Variants in SH3BP4 observed in about 807,000 individuals in gnomAD.
SH3BP4 encodes SH3 domain-binding protein 4.
SH3BP4 carries 33 observed loss-of-function variants against 65.5 expected under a neutral mutation model. That is an observed-to-expected ratio of 0.50 (90% confidence interval 0.38 to 0.67). SH3BP4 has a LOEUF of 0.67. SH3BP4 is among the 30% of genes least tolerant of loss of function. SH3BP4 has a pLI of 0.00. For missense variants in SH3BP4, 1,134 were observed against 1,261.4 expected, an observed-to-expected ratio of 0.90 and a Z score of 1.53; for synonymous variants, 552 against 545.5, an observed-to-expected ratio of 1.01 and a Z score of -0.17.
chr2:235,042,105 G>A lies in SH3BP4; in HGVS notation c.1336G>A (p.Glu446Lys), dbSNP rs139088001. ...DTVQAQLHNL[E>K]PCMYVAVVAH... ...GGTCCAGGCACAGCTGCACAACCTGGAGCCCTGTATGTACGTGGCTGTCGT... is the reference window on the plus strand; with the variant it reads ...GGTCCAGGCACAGCTGCACAACCTGAAGCCCTGTATGTACGTGGCTGTCGT... Residue 446 changes from glutamate (E) to lysine (K), a missense_variant, in exon 4 of 6, where the codon GAG becomes AAG. Transcript: ENST00000392011. This position sits in a 1 kb window ranked among gnomAD's most constrained non-coding sequence, Gnocchi z 7.3. The A allele has an allele frequency of 3.8e-4, 612 of 1,613,964 alleles. No homozygotes were observed. Among genetic ancestry groups the A allele is most frequent in the Non-Finnish European group, 5.0e-4 (587 of 1,180,014 alleles).
chr2:235,034,693 G>A lies in SH3BP4; in HGVS notation c.-132-178G>A, dbSNP rs1695315805. On this transcript the variant is annotated intron_variant, in intron 2 of 5. Coordinates refer to ENST00000392011, the MANE Select transcript of SH3BP4 (RefSeq NM_014521.3). The surrounding 1 kb of genome is among the most constrained non-coding windows in gnomAD (Gnocchi z 6.2). ...AGTGTGCCAATGAGACAAGCACAAAGTGGGCACAGAGGCCAAGGAGCAAGC... is the reference window on the plus strand; with the variant it reads ...AGTGTGCCAATGAGACAAGCACAAAATGGGCACAGAGGCCAAGGAGCAAGC... Among the ~76,000 whole-genome samples the A allele has an allele frequency of 6.6e-6, 1 of 152,234 alleles. No homozygotes were observed. Among genetic ancestry groups the A allele is most frequent in the South Asian group, 2.1e-4 (1 of 4,832 alleles).
intron 4 of SH3BP4, among the ~76,000 whole-genome samples, chr2:235,044,211 G>T (rs1695769942): frequency 6.6e-6 from 1 of 152,214 alleles, no homozygotes. Context: ...TTGGGGCGAG[G>T]ACAGCATTTG....
chr2:234,998,615 T>C (rs1694001485), intron 2 of SH3BP4, among the ~76,000 whole-genome samples: 1 of 152,252 alleles, frequency 6.6e-6, no homozygotes, highest in Non-Finnish European at 1.5e-5. Flanking sequence ...CAGTGGGCAT[T>C]GAGTACATTC....
At chr2:235,048,512 T>G in intron 4 of SH3BP4, among the ~76,000 whole-genome samples, 1 of 151,684 alleles carries the variant, frequency 6.6e-6, no homozygotes, top group South Asian at 2.1e-4. Context: ...TTTTTTTTTT[T>G]GTCTGTAGTA....
chr2:235,006,579 G>T (rs2106289811), intron 2 of SH3BP4, among the ~76,000 whole-genome samples: 1 of 152,298 alleles, frequency 6.6e-6, no homozygotes, highest in East Asian at 1.9e-4. Context: ...TCAGGGGCCT[G>T]TGCTCTCAGG....
chr2:234,982,988 C>T (rs10803628), intron 1 of SH3BP4, among the ~76,000 whole-genome samples: 8 of 152,038 alleles, frequency 5.3e-5, no homozygotes, highest in East Asian at 3.9e-4. Flanking sequence ...GGTGGTGGAT[C>T]GGTGGACCTG....
intron 2 of SH3BP4, among the ~76,000 whole-genome samples, chr2:235,023,606 T>G (rs140759764): frequency 1.3e-4 from 20 of 152,284 alleles, no homozygotes; most frequent in Admixed American, 1.1e-3. Flanking sequence ...CGTTTTTGAT[T>G]GTAGAAAAAT....
chr2:234,980,244 T>A (rs1693332125), intron 1 of SH3BP4, among the ~76,000 whole-genome samples: 1 of 152,074 alleles, frequency 6.6e-6, no homozygotes, highest in African/African-American at 2.4e-5. Flanking sequence ...GTATGTACTA[T>A]TTATTTTTTC....
chr2:234,963,341 T>C (rs946030433), intron 1 of SH3BP4, among the ~76,000 whole-genome samples: 3 of 152,248 alleles, frequency 2.0e-5, no homozygotes, highest in Non-Finnish European at 4.4e-5. Context: ...CTTATAATTA[T>C]ATTAATTGTT....
chr2:235,029,178 G>T (rs575893332), intron 2 of SH3BP4, among the ~76,000 whole-genome samples: 1 of 152,228 alleles, frequency 6.6e-6, no homozygotes. Flanking sequence ...CAGAGGTTGT[G>T]TTCTGCAGGT....
intron 1 of SH3BP4, among the ~76,000 whole-genome samples, chr2:234,983,838 G>A (rs1693463973): frequency 6.6e-6 from 1 of 152,254 alleles, no homozygotes; most frequent in Non-Finnish European, 1.5e-5. Context: ...CAGGGCCACA[G>A]AAGCAGCTCA....
rs1035319311 is a variant in SH3BP4, at chr2:235,030,739, C to T, written c.-132-4132C>T. ...CAGGGCAGCCCTGGGATGCTGGCTG[C>T]ATTCTCCATCCCGTGCCAGCCCCCT... On this transcript the variant is annotated intron_variant, in intron 2 of 5. Transcript: ENST00000392011. The surrounding 1 kb of genome is among the most constrained non-coding windows in gnomAD (Gnocchi z 4.1). Among the ~76,000 whole-genome samples the T allele has an allele frequency of 6.6e-6, 1 of 152,136 alleles. No individual in the cohort carries two copies. Among genetic ancestry groups the T allele is most frequent in the African/African-American group, 2.4e-5 (1 of 41,416 alleles).
At chr2:235,043,312 A>C in intron 4 of SH3BP4, 65 bp downstream of exon 4, 1 of 1,356,686 alleles carries the variant, frequency 7.4e-7, no homozygotes. Context: ...CCGCCTTCCC[A>C]GTGCACATGG....
chr2:235,038,376 C>CA (rs1372012365), intron 3 of SH3BP4, among the ~76,000 whole-genome samples: 1 of 12,364 alleles, frequency 8.1e-5, no homozygotes, highest in Non-Finnish European at 1.5e-4. Context: ...AATATATATA[C>CA]ATATATATAT....
chr2:235,003,750 TCA>T (rs1459191211), intron 2 of SH3BP4, among the ~76,000 whole-genome samples: 2 of 152,226 alleles, frequency 1.3e-5, no homozygotes, highest in African/African-American at 4.8e-5. Flanking sequence ...GAAGCTGAAC[TCA>T]CAGTGATGGT....
Position 235,042,817 on chromosome 2 carries a change from T to C in SH3BP4, c.2048T>C (p.Ile683Thr). The stretch of plus-strand genomic sequence containing the variant: ...CTGGAGTACAAGAAGGGCGACGGGA[T>C]CGCCCTGCTCAGCGAGGAGCGGGTC... ...YLLEYKKGDG[I>T]ALLSEERVRL... Residue 683 changes from isoleucine (I) to threonine (T), a missense_variant, in exon 4 of 6, where the codon ATC becomes ACC. Physicochemically the swap from Ile to Thr is moderately conservative, Grantham distance 89 (BLOSUM62 -1). Transcript: ENST00000392011. This position sits in a 1 kb window ranked among gnomAD's most constrained non-coding sequence, Gnocchi z 7.3. 1 of 1,613,968 alleles carries C rather than the reference T, an allele frequency of 6.2e-7. No homozygotes were observed. The highest frequency in any genetic ancestry group is 8.5e-7 in the Non-Finnish European group (1 of 1,180,024).
intron 1 of SH3BP4, among the ~76,000 whole-genome samples, chr2:234,992,033 G>A (rs944557414): frequency 1.3e-5 from 2 of 152,212 alleles, no homozygotes; most frequent in East Asian, 1.9e-4. Flanking sequence ...AAGTAAAGAC[G>A]CTGCCTAAAG....
chr2:234,975,325 C>A (rs1459411638), intron 1 of SH3BP4, among the ~76,000 whole-genome samples: 2 of 152,146 alleles, frequency 1.3e-5, no homozygotes, highest in African/African-American at 4.8e-5. Flanking sequence ...CGTGGGGAAG[C>A]CAGGCCTGGC....
intron 1 of SH3BP4, among the ~76,000 whole-genome samples, chr2:234,992,332 C>T (rs760796762): frequency 4.6e-5 from 7 of 152,100 alleles, no homozygotes; most frequent in East Asian, 1.9e-4. Flanking sequence ...TCGTTTTCTT[C>T]GGGGTGGCTG....
Sources: gnomAD v4.1 joint callset for allele counts (sites outside exome capture counted in the v4.1 genomes callset) on GRCh38, gnomAD v4.1.1 for gene constraint, Gnocchi (gnomAD v3.1) non-coding constraint, MANE v1.5 for transcripts, NCBI Gene and HGNC (gene_info 2026-07-23, HGNC 2026-07-21) for gene names.